POR: variants seen among roughly 807,000 people sequenced by gnomAD.
The protein encoded by POR is cytochrome p450 oxidoreductase, also known as NADPH--cytochrome P450 reductase.
A neutral mutation model predicts 84.0 loss-of-function variants in POR; 56 were observed. That is an observed-to-expected ratio of 0.67 (90% CI 0.54 to 0.83). The LOEUF (loss-of-function observed/expected upper bound fraction) is 0.83. POR is among the 40% of genes least tolerant of loss of function. POR has a pLI of 0.00. For missense variants in POR, 938 were observed against 944.3 expected (o/e 0.99, Z 0.09); for synonymous variants, 414 against 400.5 (o/e 1.03, Z -0.40).
At chr7:75,947,598 A>G (rs757184341) in intron 1 of POR, among the ~76,000 whole-genome samples, 3 of 152,048 alleles carry the variant, frequency 2.0e-5, no homozygotes, top group Admixed American at 6.6e-5. Flanking sequence ...GCCGGCCCCA[A>G]TGTGTGTTTT....
chr7:75,921,357 G>T (rs2116205450), intron 1 of POR: 1 of 151,074 alleles, frequency 6.6e-6, no homozygotes, highest in East Asian at 1.9e-4. Context: ...TGCCTCCCAG[G>T]TTCAAGTGAT....
intron 2 of POR, among the ~76,000 whole-genome samples, chr7:75,969,254 G>A (rs905080112): frequency 6.6e-6 from 1 of 152,214 alleles, no homozygotes; most frequent in African/African-American, 2.4e-5. Flanking sequence ...GTCAGGCACT[G>A]GGGAGGCTGC....
In POR at chr7:75,979,533, G is replaced by A. The variant is rs782776557; in HGVS notation, c.320G>A (p.Arg107His). Residue 107 changes from arginine to histidine, a missense_variant, in exon 4 of 16, where the codon CGC becomes CAC. Transcript: ENST00000461988. ...AACCGCCTGTCCAAGGACGCCCACCGCTACGGGATGCGAGGCATGTCAGCG... is the reference window on the plus strand; with the variant it reads ...AACCGCCTGTCCAAGGACGCCCACCACTACGGGATGCGAGGCATGTCAGCG... The A allele has an allele frequency of 1.5e-5, 24 of 1,613,642 alleles. No homozygotes were observed. Among genetic ancestry groups the A allele is most frequent in the Admixed American group, 1.2e-4 (7 of 60,026 alleles).
Position 75,982,329 on chromosome 7 carries a change from G to A in POR, c.830+7G>A. The A allele has an allele frequency of 1.9e-6, 3 of 1,607,258 alleles. No individual in the cohort carries two copies. Among genetic ancestry groups the A allele is most frequent in the Non-Finnish European group, 2.5e-6 (3 of 1,176,776 alleles). On this transcript the variant is annotated splice_region_variant and intron_variant, in intron 8 of 15. Coordinates refer to ENST00000461988, the MANE Select transcript of POR (RefSeq NM_000941.3). ...GCTACGAGAACCAGAAGCCGTGAGT[G>A]GAGGGAGCGTGGCTTGGGGCAGACG...
Position 75,985,093 on chromosome 7 carries a change from G to A in POR, c.1284G>A (p.Arg428=). ...TGAGCTGGGTGGTGGAGGCCCGGAGGCACATCCTGGCCATCCTGCAGGACT... is the reference window on the plus strand; with the variant it reads ...TGAGCTGGGTGGTGGAGGCCCGGAGACACATCCTGGCCATCCTGCAGGACT... Residue 428 remains arginine (R), a synonymous_variant, in exon 12 of 16, where the codon AGG becomes AGA. Coordinates refer to ENST00000461988, the MANE Select transcript of POR (RefSeq NM_000941.3). 6.3e-7 allele frequency: 1 copy of A among 1,599,924 alleles called. No homozygotes were observed. The highest frequency in any genetic ancestry group is 1.1e-5 in the South Asian group (1 of 91,056).
intron 4 of POR, chr7:75,979,843 C>T (rs1788908684): frequency 2.2e-6 from 1 of 456,136 alleles, no homozygotes; most frequent in Non-Finnish European, 4.0e-6. Flanking sequence ...CTCCTGGCGG[C>T]CGCCACATCT....
chr7:75,955,255 G>A (rs1787633709), intron 2 of POR, among the ~76,000 whole-genome samples: 1 of 152,168 alleles, frequency 6.6e-6, no homozygotes, highest in African/African-American at 2.4e-5. Context: ...AACTTTTCAT[G>A]AAGCTTCCTT....
intron 1 of POR, among the ~76,000 whole-genome samples, chr7:75,935,619 T>TTGTG (rs57899780): frequency 0.013 from 1,748 of 131,332 alleles, 13 homozygotes; most frequent in Middle Eastern, 0.034. Context: ...TGCTCGGGGC[T>TTGTG]TGTGTGTGTG....
At chr7:75,960,747 C>T (rs1787900692) in intron 2 of POR, among the ~76,000 whole-genome samples, 1 of 152,116 alleles carries the variant, frequency 6.6e-6, no homozygotes, top group African/African-American at 2.4e-5. Context: ...AGAGAGCGTC[C>T]CATTTCCATC....
chr7:75,916,330 C>G (rs1806566318), intron 1 of POR, among the ~76,000 whole-genome samples: 1 of 152,172 alleles, frequency 6.6e-6, no homozygotes, highest in South Asian at 2.1e-4. Flanking sequence ...TTCCTTGGGT[C>G]TTGCTTTATG....
intron 1 of POR, among the ~76,000 whole-genome samples, chr7:75,946,534 C>T (rs541613695): frequency 2.6e-5 from 4 of 152,202 alleles, no homozygotes; most frequent in Non-Finnish European, 5.9e-5. Flanking sequence ...GTAATCTGCC[C>T]GCCTTGGCCT....
At chr7:75,981,953 C>T in intron 7 of POR, 1 of 571,038 alleles carries the variant, frequency 1.8e-6, no homozygotes, top group Non-Finnish European at 3.1e-6. Context: ...TGGGTGCTGC[C>T]CGGGCTTCCT....
At position 75,951,516 on chromosome 7, in the gene POR, G is replaced by C. The variant is rs1207489106; in HGVS notation, c.-4-2473G>C. On this transcript the variant is annotated intron_variant, in intron 1 of 15. Transcript: ENST00000461988. ...CTTGCGGGCCTGTTCTGAATGGCCT[G>C]TTCCCAGCAGGTTGTGTAGCAGTAG... 9.2e-5 allele frequency among the ~76,000 whole-genome samples: 14 copies of C among 152,240 alleles called. 1 individual carries two copies. Among genetic ancestry groups the C allele is most frequent in the East Asian group, 1.9e-4 (1 of 5,196 alleles).
At chr7:75,986,113 G>C (rs781872825) in intron 14 of POR, 45 bp downstream of exon 14, 2 of 1,581,480 alleles carry the variant, frequency 1.3e-6, no homozygotes, top group Admixed American at 3.6e-5. Context: ...AGGCTGGCAG[G>C]GCCACAGCCA....
At position 75,961,736 on chromosome 7, in the gene POR, AGGCATGGC is replaced by A. The variant is rs797040654; in HGVS notation, c.188+7560_188+7567del. 4.6e-5 allele frequency among the ~76,000 whole-genome samples: 7 copies of A among 152,200 alleles called. 1 individual carries two copies. In the South Asian group the frequency reaches 8.3e-4, roughly 18 times the overall value. On this transcript the variant is annotated intron_variant, in intron 2 of 15. Coordinates refer to ENST00000461988, the MANE Select transcript of POR (RefSeq NM_000941.3). Reference sequence around the variant, plus strand: ...GTCCTCTAAAATTCAAGGACTCGCCAGGCATGGCGGCTCATGCCTGTAATCCCAGCACT... The same window carrying A: ...GTCCTCTAAAATTCAAGGACTCGCCAGGCTCATGCCTGTAATCCCAGCACT...
chr7:75,939,536 C>CTTTTT (rs3043448), intron 1 of POR, among the ~76,000 whole-genome samples: 9 of 126,098 alleles, frequency 7.1e-5, no homozygotes, highest in Middle Eastern at 4.1e-3. Context: ...TACTCAACAG[C>CTTTTT]TTTTTTTTTT....
intron 2 of POR, among the ~76,000 whole-genome samples, chr7:75,965,692 C>T (rs1788150089): frequency 1.3e-5 from 2 of 152,216 alleles, no homozygotes; most frequent in Admixed American, 6.5e-5. Flanking sequence ...CTCAGGGTCA[C>T]TGCTGAGGTC....
At chr7:75,977,964 G>T (rs1258223022) in intron 3 of POR, among the ~76,000 whole-genome samples, 1 of 152,188 alleles carries the variant, frequency 6.6e-6, no homozygotes, top group African/African-American at 2.4e-5. Context: ...GCCCCAACGG[G>T]CTCTGGGGAA....
At position 75,970,383 on chromosome 7, in the gene POR, C is replaced by T. The variant is rs782655584; in HGVS notation, c.189-2030C>T. ...TGCAGTGAGCTATGATCGCACCGCA[C>T]GGTCATGTGATCGCACAGTGGTGAG... On this transcript the variant is annotated intron_variant, in intron 2 of 15. Coordinates refer to ENST00000461988, the MANE Select transcript of POR (RefSeq NM_000941.3). 5.3e-5 allele frequency among the ~76,000 whole-genome samples: 8 copies of T among 151,800 alleles called. No homozygotes were observed. The East Asian group carries it at 1.2e-3, about 23-fold the overall frequency.
Sources: gnomAD v4.1 joint callset for allele counts (sites outside exome capture counted in the v4.1 genomes callset) on GRCh38, gnomAD v4.1.1 for gene constraint, MANE v1.5 for transcripts, NCBI Gene and HGNC (gene_info 2026-07-23, HGNC 2026-07-21) for gene names.